The following TCEANC2 variants were observed in gnomAD, a reference collection of about 807,000 sequenced individuals.
The protein encoded by TCEANC2 is transcription elongation factor A N-terminal and central domain-containing protein 2.
TCEANC2 carries 20 observed loss-of-function variants against 22.8 expected under a neutral mutation model. The observed-to-expected ratio is 0.88, with a 90% CI of 0.62 to 1.28. The LOEUF (loss-of-function observed/expected upper bound fraction) is 1.28, where lower values mean the gene tolerates loss of function less well. Among genes scored for constraint, TCEANC2 ranks in the 50% most tolerant of loss-of-function variants. The pLI is 0.00. For missense variants in TCEANC2, 251 were observed against 249.7 expected (o/e 1.01, Z -0.03); for synonymous variants, 84 against 95.5 (o/e 0.88, Z 0.70).
At chr1:54,091,586 C>T (rs1471841024) in intron 4 of TCEANC2, among the ~76,000 whole-genome samples, 6 of 152,142 alleles carry the variant, frequency 3.9e-5, no homozygotes, top group South Asian at 4.1e-4. Context: ...AGAATAATAA[C>T]GCACAGCCTA....
Position 54,104,305 on chromosome 1 carries a change from C to T in TCEANC2, c.*7832C>T, listed in dbSNP as rs925263805. The T allele has an allele frequency of 1.6e-5, 3 of 186,264 alleles. No individual in the cohort carries two copies. Among genetic ancestry groups the T allele is most frequent in the African/African-American group, 7.0e-5 (3 of 42,582 alleles). The allele number at this position is 186,264 out of a possible 1,614,324, so 11.5% of individuals were successfully genotyped here. A position where few individuals can be genotyped will look rare whatever the true frequency, so the allele number is the denominator to read the frequency against. The stretch of plus-strand genomic sequence containing the variant: ...GGTTTTGAGTCACAAAGGAGGAACA[C>T]TTCCACTAAAAGAAACATCAAGATT... On this transcript the variant is annotated 3_prime_UTR_variant, in exon 5 of 5. Transcript: ENST00000234827.
chr1:54,076,676 A>G (rs951768826), intron 3 of TCEANC2, among the ~76,000 whole-genome samples: 1 of 152,178 alleles, frequency 6.6e-6, no homozygotes, highest in African/African-American at 2.4e-5. Context: ...AGAAAAATGC[A>G]TAGGAAAAGG....
intron 3 of TCEANC2, among the ~76,000 whole-genome samples, chr1:54,077,884 GC>G (rs1317295513): frequency 6.6e-6 from 1 of 152,106 alleles, no homozygotes; most frequent in African/African-American, 2.4e-5. Context: ...ATAAAGCTCA[GC>G]CCTTAGTCTT....
At chr1:54,110,709 C>T (rs548910559), downstream of TCEANC2, among the ~76,000 whole-genome samples, 3 of 152,308 alleles carry the variant, frequency 2.0e-5, no homozygotes, top group East Asian at 1.9e-4. Context: ...CAAGGTCCTC[C>T]GTGTCCTGGC....
rs1218458188 is a variant in TCEANC2, at chr1:54,103,772, G to C, written c.*7299G>C. On this transcript the variant is annotated 3_prime_UTR_variant, in exon 5 of 5. Coordinates refer to ENST00000234827, the MANE Select transcript of TCEANC2 (RefSeq NM_153035.3). ...TTAAACCCTGTCTACCCTGGAAAGA[G>C]CTGTGATTCATTTTCACTGGCATAG... is the stretch of plus-strand genomic sequence containing the variant. 1 of 152,214 alleles carries C rather than the reference G, an allele frequency of 6.6e-6. No homozygotes were observed. The highest frequency in any genetic ancestry group is 2.4e-5 in the African/African-American group (1 of 41,448). 9.4% of individuals were successfully genotyped at this position (152,214 alleles called of 1,614,324 possible).
intron 3 of TCEANC2, among the ~76,000 whole-genome samples, chr1:54,076,748 A>G (rs1183816635): frequency 1.3e-5 from 2 of 152,238 alleles, no homozygotes; most frequent in African/African-American, 2.4e-5. Context: ...TCAGATATTC[A>G]TTCATGTGCC....
chr1:54,081,304 C>T (rs2100374071), intron 3 of TCEANC2, among the ~76,000 whole-genome samples: 1 of 152,310 alleles, frequency 6.6e-6, no homozygotes, highest in Non-Finnish European at 1.5e-5. Flanking sequence ...TCATAGCTCA[C>T]TGCAGCCTCG....
downstream of TCEANC2, among the ~76,000 whole-genome samples, chr1:54,108,748 G>A (rs1278493886): frequency 6.6e-6 from 1 of 152,086 alleles, no homozygotes; most frequent in Non-Finnish European, 1.5e-5. Flanking sequence ...CGAGGCGGGC[G>A]GATCATGAGG....
rs1311953818 is a variant in TCEANC2 at position 54,096,404 on chromosome 1, T to G, written c.558T>G (p.Ala186=). The change falls in exon 5 of 5, where the codon GCT becomes GCG. Residue 186 remains alanine (A), a synonymous_variant. Transcript: ENST00000234827. This position sits in a 1 kb window ranked among gnomAD's most constrained non-coding sequence, Gnocchi z 4.9. ...TGGTCTTCACATTAAAGCACCGAGC[T>G]GAAATCCGGGCTCAGGTGAAGAGCG... ...RALVFTLKHR[A]EIRAQVKSGS... 2 of 1,613,476 alleles carry G rather than the reference T, an allele frequency of 1.2e-6. No individual in the cohort carries two copies. The highest frequency in any genetic ancestry group is 2.7e-5 in the African/African-American group (2 of 74,944).
chr1:54,067,984 T>C (rs1657988069), intron 2 of TCEANC2, among the ~76,000 whole-genome samples: 1 of 152,204 alleles, frequency 6.6e-6, no homozygotes, highest in African/African-American at 2.4e-5. Context: ...TTTTAAAAAA[T>C]TATTAGTGGA....
At chr1:54,083,272 G>A (rs1457955941) in intron 3 of TCEANC2, among the ~76,000 whole-genome samples, 1 of 152,166 alleles carries the variant, frequency 6.6e-6, no homozygotes, top group Non-Finnish European at 1.5e-5. Flanking sequence ...TCATCTGCCT[G>A]CAGGTAGCTG....
intron 3 of TCEANC2, among the ~76,000 whole-genome samples, chr1:54,081,439 G>A (rs917837912): frequency 1.3e-5 from 2 of 151,994 alleles, no homozygotes; most frequent in Non-Finnish European, 2.9e-5. Context: ...TAGAGATAGG[G>A]TCTCACTATG....
chr1:54,068,486 C>G (rs1212095809), intron 2 of TCEANC2, among the ~76,000 whole-genome samples: 3 of 152,160 alleles, frequency 2.0e-5, no homozygotes, highest in African/African-American at 7.2e-5. Context: ...ATCCTTATTG[C>G]CTCTCACTGC....
At position 54,097,416 on chromosome 1, in the gene TCEANC2, G is replaced by A. The variant is rs1423709719; in HGVS notation, c.*943G>A. On this transcript the variant is annotated 3_prime_UTR_variant, in exon 5 of 5. Transcript: ENST00000234827. Reference sequence around the variant, plus strand: ...ATGATGGAACAAGGATTTGAGGAATGTAGAAGACTCAAGGAAGTGGGGATT... The same window carrying A: ...ATGATGGAACAAGGATTTGAGGAATATAGAAGACTCAAGGAAGTGGGGATT... 6.6e-6 allele frequency: 1 copy of A among 152,138 alleles called. No homozygotes were observed. The highest frequency in any genetic ancestry group is 6.5e-5 in the Admixed American group (1 of 15,286). 9.4% of individuals were successfully genotyped at this position (152,138 alleles called of 1,614,324 possible).
intron 3 of TCEANC2, among the ~76,000 whole-genome samples, chr1:54,074,978 A>G (rs1658121922): frequency 6.6e-6 from 1 of 152,244 alleles, no homozygotes; most frequent in African/African-American, 2.4e-5. Flanking sequence ...GATTCTGTAG[A>G]GTGAGAGAAG....
chr1:54,104,755 T>G lies in TCEANC2; in HGVS notation c.*8282T>G. 2 of 445,646 alleles carry G rather than the reference T, an allele frequency of 4.5e-6. No homozygotes were observed. Among genetic ancestry groups the G allele is most frequent in the South Asian group, 3.2e-5 (2 of 63,452 alleles). 27.6% of individuals were successfully genotyped at this position (445,646 alleles called of 1,614,324 possible). On this transcript the variant is annotated 3_prime_UTR_variant, in exon 5 of 5. Coordinates refer to ENST00000234827, the MANE Select transcript of TCEANC2 (RefSeq NM_153035.3). ...TGGAGTTTCGCCATGTTGGCCAGACTAGTTTTGAACTTCTGGCCTCAAGCA... is the reference window on the plus strand; with the variant it reads ...TGGAGTTTCGCCATGTTGGCCAGACGAGTTTTGAACTTCTGGCCTCAAGCA...
chr1:54,055,662 T>C (rs552330015), intron 2 of TCEANC2, among the ~76,000 whole-genome samples: 34 of 152,130 alleles, frequency 2.2e-4, no homozygotes, highest in Non-Finnish European at 4.1e-4. Context: ...CTAGAGAAAA[T>C]GTGCAAAGGA....
At chr1:54,064,839 A>G (rs1029616809) in intron 2 of TCEANC2, among the ~76,000 whole-genome samples, 20 of 151,786 alleles carry the variant, frequency 1.3e-4, no homozygotes, top group Non-Finnish European at 7.4e-5. Flanking sequence ...AGCTGGGATG[A>G]CAGACATGTG....
chr1:54,091,622 A>G (rs550433253), intron 4 of TCEANC2, among the ~76,000 whole-genome samples: 2 of 152,340 alleles, frequency 1.3e-5, no homozygotes, highest in South Asian at 4.1e-4. Context: ...ATTACCCTAC[A>G]GATCTTGCTT....
Sources: allele counts gnomAD v4.1 joint callset (sites outside exome capture counted in the v4.1 genomes callset), GRCh38; gene constraint gnomAD v4.1.1; non-coding constraint Gnocchi (gnomAD v3.1); transcripts MANE v1.5; gene names NCBI Gene and HGNC (gene_info 2026-07-23, HGNC 2026-07-21).